ADCY7: variants seen among roughly 807,000 people sequenced by gnomAD.
The protein encoded by ADCY7 is adenylate cyclase type 7.
In ADCY7, 72 loss-of-function variants were observed where a neutral mutation model predicts 120.6. That is an observed-to-expected ratio of 0.60 (90% CI 0.49 to 0.73). ADCY7 has a LOEUF of 0.73. ADCY7 is among the 30% of genes least tolerant of loss of function. The pLI, the probability that ADCY7 is intolerant of heterozygous loss-of-function variation, is 0.00. For missense variants in ADCY7, 1,227 were observed against 1,486.0 expected, an observed-to-expected ratio of 0.83 and a Z score of 2.87; for synonymous variants, 661 against 628.0, an observed-to-expected ratio of 1.05 and a Z score of -0.78.
At chr16:50,309,673 G>C (rs1455186493) in intron 18 of ADCY7, 27 bp downstream of exon 18, 10 of 1,592,460 alleles carry the variant, frequency 6.3e-6, no homozygotes, top group Non-Finnish European at 8.5e-6. Flanking sequence ...CGGCTCCGTG[G>C]CCTCATTCAG....
chr16:50,273,368 T>C (rs1347741033), intron 1 of ADCY7, among the ~76,000 whole-genome samples: 1 of 152,226 alleles, frequency 6.6e-6, no homozygotes, highest in Non-Finnish European at 1.5e-5. Context: ...CTTCCCCTTC[T>C]GCCCTGCCCT....
upstream of ADCY7, among the ~76,000 whole-genome samples, chr16:50,263,964 T>G (rs1030711247): frequency 9.2e-5 from 14 of 152,272 alleles, no homozygotes; most frequent in African/African-American, 3.4e-4. Context: ...CGGGTATCCC[T>G]CAATACCCAT....
At chr16:50,273,802 C>T (rs551007823) in intron 1 of ADCY7, among the ~76,000 whole-genome samples, 1 of 152,218 alleles carries the variant, frequency 6.6e-6, no homozygotes, top group African/African-American at 2.4e-5. Context: ...CTGTACCCCC[C>T]AGTCTGTGGA....
intron 1 of ADCY7, among the ~76,000 whole-genome samples, chr16:50,277,838 T>G (rs2033997557): frequency 2.0e-5 from 3 of 151,754 alleles, no homozygotes; most frequent in East Asian, 1.9e-4. Context: ...GCCCAGCTAA[T>G]TTTTTGTATT....
intron 1 of ADCY7, among the ~76,000 whole-genome samples, chr16:50,269,108 A>G (rs1026328878): frequency 6.6e-6 from 1 of 152,102 alleles, no homozygotes. Context: ...CATGCACCCC[A>G]CTCTACAATT....
chr16:50,261,523 T>C (rs2033057567), intron 1 of ADCY7, among the ~76,000 whole-genome samples: 1 of 150,812 alleles, frequency 6.6e-6, no homozygotes, highest in South Asian at 2.1e-4. Context: ...GGCAGGCACG[T>C]CGCAGAGCCT....
intron 14 of ADCY7, among the ~76,000 whole-genome samples, chr16:50,306,541 G>C (rs551906313): frequency 7.5e-6 from 1 of 133,242 alleles, no homozygotes; most frequent in Admixed American, 8.6e-5. Flanking sequence ...CCCTTCTGGG[G>C]CTGTGATCCT....
intron 1 of ADCY7, among the ~76,000 whole-genome samples, chr16:50,281,980 GTT>G (rs1596868953): frequency 6.6e-6 from 1 of 152,228 alleles, no homozygotes; most frequent in Admixed American, 6.5e-5. Context: ...GAGCATGCAG[GTT>G]TTTTGTCTGG....
At chr16:50,266,130 C>T (rs1308964836), upstream of ADCY7, among the ~76,000 whole-genome samples, 1 of 152,068 alleles carries the variant, frequency 6.6e-6, no homozygotes, top group Non-Finnish European at 1.5e-5. Context: ...TGGACGGGGC[C>T]ACCTTACTAC....
At chr16:50,314,525 C>CT in intron 24 of ADCY7, 119 bp downstream of exon 24, 1 of 694,356 alleles carries the variant, frequency 1.4e-6, no homozygotes, top group Non-Finnish European at 2.5e-6. Context: ...TCCCTCTGAT[C>CT]TGACAAGCTC....
chr16:50,282,336 T>C (rs1465100676), intron 1 of ADCY7, among the ~76,000 whole-genome samples: 2 of 152,226 alleles, frequency 1.3e-5, no homozygotes, highest in Admixed American at 1.3e-4. Context: ...GGCCCTGCAG[T>C]TGCAGTATGG....
chr16:50,282,995 G>T (rs1350880133), intron 1 of ADCY7, among the ~76,000 whole-genome samples: 1 of 152,166 alleles, frequency 6.6e-6, no homozygotes, highest in Admixed American at 6.5e-5. Flanking sequence ...AAGTGTGATG[G>T]AGGGATGAGC....
chr16:50,292,672 G>C lies in ADCY7; in HGVS notation c.538-4G>C. 6.2e-7 allele frequency: 1 copy of C among 1,613,506 alleles called. No individual in the cohort carries two copies. ...TAATGAGCCAAACCCCTGTCTACCC[G>C]CAGCTGCTGGCCAACGCAGTCATCT... On this transcript the variant is annotated splice_region_variant and splice_polypyrimidine_tract_variant and intron_variant, in intron 4 of 25. Coordinates refer to ENST00000673801, the MANE Select transcript of ADCY7 (RefSeq NM_001114.5).
Position 50,305,789 on chromosome 16 carries a change from C to CA in ADCY7, c.1694dup (p.Ser566ValfsTer3). 6.2e-7 allele frequency: 1 copy of CA among 1,613,992 alleles called. No homozygotes were observed. Among genetic ancestry groups the CA allele is most frequent in the Non-Finnish European group, 8.5e-7 (1 of 1,179,990 alleles). ...CCCCCGCCCACAGGCCCTGCTGCTC[C>CA]AAGTCCGATGACTTCTACACCTTTG... On this transcript the variant is annotated frameshift_variant, in exon 14 of 26. Transcript: ENST00000673801. LOFTEE classifies it high-confidence loss of function.
upstream of ADCY7, among the ~76,000 whole-genome samples, chr16:50,264,138 C>A (rs2033128489): frequency 6.6e-6 from 1 of 152,168 alleles, no homozygotes; most frequent in South Asian, 2.1e-4. Flanking sequence ...CAATCAGCGG[C>A]CTCCCTAGAG....
At chr16:50,264,970 G>A (rs1354289634), upstream of ADCY7, among the ~76,000 whole-genome samples, 4 of 151,746 alleles carry the variant, frequency 2.6e-5, no homozygotes, top group African/African-American at 9.7e-5. Context: ...CCAAGTAGCT[G>A]GGATTACAGG....
rs773486843 is a variant in ADCY7, at chr16:50,308,687, G to A, written c.1956G>A (p.Gly652=). Residue 652 remains glycine, a synonymous_variant, in exon 17 of 26, where the codon GGG becomes GGA. Coordinates refer to ENST00000673801, the MANE Select transcript of ADCY7 (RefSeq NM_001114.5). ...CACAGAGGTGCTGCCCAGCTCGGGG[G>A]ACGCTCTGCACTATCTCTGAGAGGG... ...TKFSRCCPAR[G]TLCTISERVE... The A allele has an allele frequency of 6.2e-6, 10 of 1,613,330 alleles. No homozygotes were observed. The South Asian group carries it at 1.1e-4, about 18-fold the overall frequency.
Position 50,309,655 on chromosome 16 carries a change from G to A in ADCY7, c.2160+9G>A, listed in dbSNP as rs915486298. 1.2e-5 allele frequency: 19 copies of A among 1,605,102 alleles called. No homozygotes were observed. Among genetic ancestry groups the A allele is most frequent in the Middle Eastern group, 1.7e-4 (1 of 6,050 alleles). ...TGTGTGAGCCCCTCCCGGTGAGTGCGCCGGGCCCGGCTCCGTGGCCTCATT... is the reference window on the plus strand; with the variant it reads ...TGTGTGAGCCCCTCCCGGTGAGTGCACCGGGCCCGGCTCCGTGGCCTCATT... On this transcript the variant is annotated intron_variant, in intron 18 of 25. Transcript: ENST00000673801.
intron 1 of ADCY7, among the ~76,000 whole-genome samples, chr16:50,247,629 G>A (rs1190817550): frequency 4.1e-5 from 6 of 146,034 alleles, no homozygotes; most frequent in African/African-American, 1.0e-4. Context: ...ATCCTCCTGC[G>A]TCAGCCTCCC....
Sources: allele counts gnomAD v4.1 joint callset (sites outside exome capture counted in the v4.1 genomes callset), GRCh38; gene constraint gnomAD v4.1.1; transcripts MANE v1.5; gene names NCBI Gene and HGNC (gene_info 2026-07-23, HGNC 2026-07-21).